The following ERICH2 variants were observed in gnomAD, a reference collection of about 807,000 sequenced individuals.
The protein encoded by ERICH2 is glutamate rich 2.
Under a neutral mutation model 17.4 loss-of-function variants are expected in ERICH2, and 17 were observed. The ratio of observed to expected loss-of-function variants is 0.98; its 90% CI spans 0.67 to 1.47. The LOEUF is 1.47. Ranked by LOEUF, ERICH2 falls within the 40% of genes most tolerant of loss-of-function variation. The pLI is 0.00. For missense variants in ERICH2, 186 were observed against 183.2 expected (o/e 1.01, Z -0.09); for synonymous variants, 51 against 61.1 (o/e 0.83, Z 0.77).
the ERICH2 span, chr2:170,777,983 C>T: frequency 3.7e-5 from 11 of 294,960 alleles, no homozygotes. Context: ...ATTCCTATTT[C>T]CCTTTGATAC....
At chr2:170,793,720 T>G (rs1171304955) in intron 3 of ERICH2, among the ~76,000 whole-genome samples, 1 of 152,180 alleles carries the variant, frequency 6.6e-6, no homozygotes, top group East Asian at 1.9e-4. Flanking sequence ...TTCCCTGAGG[T>G]GGGAAAACCA....
At chr2:170,772,663 G>C in the ERICH2 span, among the ~76,000 whole-genome samples, 2 of 152,180 alleles carry the variant, frequency 1.3e-5, no homozygotes, top group Non-Finnish European at 2.9e-5. Context: ...GACACCATTT[G>C]TATACACATT....
chr2:170,771,091 T>A, the ERICH2 span: 13 of 152,848 alleles, frequency 8.5e-5, no homozygotes, highest in African/African-American at 3.2e-4. The surrounding 1 kb of genome is among the most constrained non-coding windows in gnomAD (Gnocchi z 4.8). Flanking sequence ...CGACGCTGCG[T>A]TCCCGACTCG....
intron 2 of ERICH2, among the ~76,000 whole-genome samples, chr2:170,786,721 G>T (rs979354699): frequency 5.3e-5 from 8 of 151,376 alleles, no homozygotes; most frequent in Admixed American, 1.3e-4. Flanking sequence ...AATATCTATT[G>T]CTATCTCTTC....
the ERICH2 span, chr2:170,777,642 A>G: frequency 1.6e-6 from 2 of 1,233,124 alleles, no homozygotes; most frequent in Non-Finnish European, 2.0e-6. Context: ...TTTCTCTTTC[A>G]GAAAAAGTGA....
upstream of ERICH2, among the ~76,000 whole-genome samples, chr2:170,781,831 T>A (rs10930440): frequency 0.25 from 37,484 of 151,970 alleles, 5,062 homozygotes; most frequent in South Asian, 0.33. Context: ...TTATATTATG[T>A]CCAAGGGCTA....
At chr2:170,776,531 C>T in the ERICH2 span, among the ~76,000 whole-genome samples, 2 of 152,158 alleles carry the variant, frequency 1.3e-5, no homozygotes, top group African/African-American at 4.8e-5. Context: ...GCATCTGCCA[C>T]CATGCCCGGC....
intron 3 of ERICH2, among the ~76,000 whole-genome samples, chr2:170,794,157 A>C (rs1237535296): frequency 4.0e-5 from 5 of 123,598 alleles, no homozygotes; most frequent in Non-Finnish European, 6.3e-5. Flanking sequence ...CCGAGGCTAG[A>C]GTACAGTGGT....
At chr2:170,773,376 T>A in the ERICH2 span, among the ~76,000 whole-genome samples, 1 of 152,220 alleles carries the variant, frequency 6.6e-6, no homozygotes, top group South Asian at 2.1e-4. Flanking sequence ...GTTATAATCT[T>A]TGCAAAGGCA....
the ERICH2 span, among the ~76,000 whole-genome samples, chr2:170,772,634 T>G: frequency 2.0e-5 from 3 of 152,202 alleles, no homozygotes; most frequent in Admixed American, 6.5e-5. Flanking sequence ...AAAATGAATG[T>G]AAGTGATGGA....
At chr2:170,792,510 TAA>T (rs746118840) in intron 2 of ERICH2, among the ~76,000 whole-genome samples, 7 of 152,244 alleles carry the variant, frequency 4.6e-5, no homozygotes, top group Non-Finnish European at 1.0e-4. Context: ...AATTATGGAC[TAA>T]GTTACAAATG....
chr2:170,781,216 G>A (rs528558630), upstream of ERICH2, among the ~76,000 whole-genome samples: 4 of 152,140 alleles, frequency 2.6e-5, no homozygotes, highest in Non-Finnish European at 4.4e-5. Flanking sequence ...AAAAAACAGA[G>A]CCATTGTAAC....
upstream of ERICH2, among the ~76,000 whole-genome samples, chr2:170,779,517 C>T (rs1046907855): frequency 1.3e-5 from 2 of 152,080 alleles, no homozygotes; most frequent in African/African-American, 4.8e-5. Context: ...CAGCAAATTG[C>T]TTGTAGTTAA....
chr2:170,785,474 G>A (rs1359494805), intron 2 of ERICH2, among the ~76,000 whole-genome samples: 1 of 151,922 alleles, frequency 6.6e-6, no homozygotes, highest in African/African-American at 2.4e-5. Flanking sequence ...CTATACACTG[G>A]GCACCATGCT....
chr2:170,774,854 C>T, the ERICH2 span, among the ~76,000 whole-genome samples: 2 of 151,332 alleles, frequency 1.3e-5, no homozygotes, highest in African/African-American at 4.9e-5. Flanking sequence ...GGATTACAGG[C>T]ATGAGCCACC....
intron 3 of ERICH2, among the ~76,000 whole-genome samples, chr2:170,795,616 G>A (rs1701397634): frequency 6.6e-6 from 1 of 152,140 alleles, no homozygotes; most frequent in Admixed American, 6.5e-5. Context: ...CGAAGTGTTG[G>A]GATTACAGGC....
chr2:170,784,799 A>C, exon 2 of ERICH2: 1 of 1,532,132 alleles, frequency 6.5e-7, no homozygotes. Context: ...AACCCTAAAA[A>C]GAATACTCAG....
At chr2:170,792,794 A>C in intron 2 of ERICH2, 69 bp from the exon 8 acceptor site, 1 of 987,754 alleles carries the variant, frequency 1.0e-6, no homozygotes, top group Non-Finnish European at 1.5e-6. Flanking sequence ...GATTAATGGA[A>C]GATTTTCTAG....
chr2:170,794,213 T>TGGAGG (rs1701363829), intron 3 of ERICH2, among the ~76,000 whole-genome samples: 1 of 149,816 alleles, frequency 6.7e-6, no homozygotes, highest in Non-Finnish European at 1.5e-5. Flanking sequence ...TTCAAGTGAT[T>TGGAGG]CTTATGCTTC....
Sources: allele counts gnomAD v4.1 joint callset (sites outside exome capture counted in the v4.1 genomes callset), GRCh38; gene constraint gnomAD v4.1.1; non-coding constraint Gnocchi (gnomAD v3.1); transcripts MANE v1.5; gene names NCBI Gene and HGNC (gene_info 2026-07-23, HGNC 2026-07-21).